Variants in ZFHX3 observed in about 807,000 individuals in gnomAD.
ZFHX3 encodes zinc finger homeobox protein 3.
A neutral mutation model predicts 279.1 loss-of-function variants in ZFHX3; 42 were observed. The observed-to-expected ratio is 0.15, with a 90% CI of 0.12 to 0.19. The LOEUF is 0.19. Among genes scored for constraint, ZFHX3 ranks in the 10% least tolerant of loss-of-function variants. The probability of loss-of-function intolerance (pLI) is 1.00; values close to 1 mark genes in which losing one functional copy is unlikely to be tolerated. For synonymous variants in ZFHX3, 2,293 were observed against 1,957.8 expected, an observed-to-expected ratio of 1.17 and a Z score of -4.52; for missense variants, 4,981 against 4,754.0, an observed-to-expected ratio of 1.05 and a Z score of -1.40.
At chr16:73,226,597 T>C (rs1048372165) in intron 5 of ZFHX3, among the ~76,000 whole-genome samples, 4 of 152,244 alleles carry the variant, frequency 2.6e-5, no homozygotes, top group African/African-American at 9.6e-5. Context: ...GAGCGTGTAT[T>C]GTAGCCACCT....
intron 4 of ZFHX3, 43 bp from the exon 5 acceptor site, chr16:72,829,902 A>C: frequency 4.3e-6 from 7 of 1,610,054 alleles, no homozygotes; most frequent in Non-Finnish European, 5.9e-6. Flanking sequence ...AAATAAAAAG[A>C]AGATGAAGGA....
At chr16:73,615,249 C>T (rs572261884) in intron 2 of ZFHX3, among the ~76,000 whole-genome samples, 1 of 151,878 alleles carries the variant, frequency 6.6e-6, no homozygotes, top group East Asian at 1.9e-4. Context: ...CCATGCATGT[C>T]CCGAGACAAC....
rs148337738 is a variant in ZFHX3 at position 72,825,981 on chromosome 16, C to T, written c.3529+3798G>A. 6.6e-5 allele frequency among the ~76,000 whole-genome samples: 10 copies of T among 152,190 alleles called. No individual in the cohort carries two copies. The East Asian group carries it at 1.7e-3, about 26-fold the overall frequency. The stretch of plus-strand genomic sequence containing the variant: ...GTAATATCGGTCTTACGACTACGGG[C>T]GTTCCTGAAATCCCCAGAAGAATGT... On this transcript the variant is annotated intron_variant, in intron 5 of 9. Coordinates refer to ENST00000268489, the MANE Select transcript of ZFHX3 (RefSeq NM_006885.4).
chr16:73,891,310 G>T (rs1306118829), intron 1 of ZFHX3, among the ~76,000 whole-genome samples: 2 of 152,098 alleles, frequency 1.3e-5, no homozygotes, highest in Non-Finnish European at 2.9e-5. Context: ...AAGATCAGAC[G>T]CTAAGACAGG....
chr16:73,247,928 G>C lies in ZFHX3; in HGVS notation c.-1104+9119C>G, dbSNP rs369150338. Among the ~76,000 whole-genome samples the C allele has an allele frequency of 4.8e-3, 729 of 151,750 alleles. 1 individual carries two copies. The East Asian group carries it at 0.06, about 12-fold the overall frequency. The stretch of plus-strand genomic sequence containing the variant: ...GTCTGTGTATATGTGCTTGTATGTG[G>C]AGTGTGTGTGTTCGTATACTATGTA... On this transcript the variant is annotated intron_variant, in intron 5 of 17. Transcript: ENST00000641206.
chr16:72,788,083 G>A lies in ZFHX3; in HGVS notation c.10193C>T (p.Ala3398Val), dbSNP rs774870235. Residue 3398 changes from alanine (A) to valine (V), a missense_variant, in exon 10 of 10, where the codon GCA (alanine) becomes GTA (valine). This residue lies in a region of ZFHX3 where 1,034 missense variants were observed against 786.0 expected (regional missense o/e 1.32). Coordinates refer to ENST00000268489, the MANE Select transcript of ZFHX3 (RefSeq NM_006885.4). ...QQKVQQQQPK[A>V]SQTPVPPGAP... ...CCCGGGGGGGACTGGGGTTTGGCTT[G>A]CTTTGGGCTGCTGCTGCTGCACTTT... 1.2e-6 allele frequency: 2 copies of A among 1,611,976 alleles called. No homozygotes were observed. Among genetic ancestry groups the A allele is most frequent in the Non-Finnish European group, 1.7e-6 (2 of 1,179,830 alleles).
At chr16:73,149,608 C>A (rs901272324) in intron 5 of ZFHX3, among the ~76,000 whole-genome samples, 1 of 152,104 alleles carries the variant, frequency 6.6e-6, no homozygotes. Context: ...ACATCTTCTG[C>A]GGCGTTTCAG....
At chr16:73,755,322 G>A (rs1164465187) in intron 1 of ZFHX3, among the ~76,000 whole-genome samples, 2 of 152,026 alleles carry the variant, frequency 1.3e-5, no homozygotes, top group African/African-American at 4.8e-5. Context: ...AGAGAAAGAG[G>A]AGTAGAAAGA....
At chr16:72,824,726 T>A (rs995838016) in intron 5 of ZFHX3, among the ~76,000 whole-genome samples, 1 of 152,252 alleles carries the variant, frequency 6.6e-6, no homozygotes, top group Non-Finnish European at 1.5e-5. Flanking sequence ...TTATTGGTGA[T>A]AAAGCATCAC....
At chr16:72,953,602 C>CTTT (rs75079529) in intron 2 of ZFHX3, among the ~76,000 whole-genome samples, 3,638 of 151,452 alleles carry the variant, frequency 0.024, 81 homozygotes, top group South Asian at 0.066. Context: ...ACTTTAAGCT[C>CTTT]TTTTTTTTTC....
At chr16:73,416,134 A>AC (rs2017573530) in intron 3 of ZFHX3, among the ~76,000 whole-genome samples, 1 of 151,356 alleles carries the variant, frequency 6.6e-6, no homozygotes, top group African/African-American at 2.4e-5. Context: ...AAAAAAAAAA[A>AC]AAAACAAAAA....
chr16:73,226,624 G>C (rs2012600867), intron 5 of ZFHX3, among the ~76,000 whole-genome samples: 1 of 152,224 alleles, frequency 6.6e-6, no homozygotes, highest in African/African-American at 2.4e-5. Context: ...ATTGCACAGA[G>C]AATAAGGCCT....
At chr16:73,075,924 C>T (rs2144760620) in intron 8 of ZFHX3, among the ~76,000 whole-genome samples, 1 of 152,226 alleles carries the variant, frequency 6.6e-6, no homozygotes, top group African/African-American at 2.4e-5. Flanking sequence ...GCCACCGCAC[C>T]CGGCCAGCTT....
At chr16:72,857,791 G>A (rs1220814574) in intron 4 of ZFHX3, among the ~76,000 whole-genome samples, 1 of 152,224 alleles carries the variant, frequency 6.6e-6, no homozygotes, top group African/African-American at 2.4e-5. Flanking sequence ...CTGCAGCCCT[G>A]CTAGGTTTGC....
intron 5 of ZFHX3, among the ~76,000 whole-genome samples, chr16:72,826,496 A>T (rs556858922): frequency 8.5e-5 from 13 of 152,360 alleles, no homozygotes; most frequent in African/African-American, 2.4e-4. Context: ...GAACAAACGT[A>T]GTTTTAAAAA....
chr16:73,377,689 T>TG (rs2016745477), intron 3 of ZFHX3, among the ~76,000 whole-genome samples: 1 of 34,812 alleles, frequency 2.9e-5, no homozygotes, highest in Admixed American at 2.5e-4. Flanking sequence ...CTCCTTTGTG[T>TG]TTTTTTTTTC....
chr16:72,787,036 T>G lies in ZFHX3; in HGVS notation c.*128A>C. On this transcript the variant is annotated 3_prime_UTR_variant, in exon 10 of 10. Transcript: ENST00000268489. The stretch of plus-strand genomic sequence containing the variant: ...AAAACAACCCACGCTTTTTCTTTTT[T>G]TTCTTTTTTTTTTTTTTTTTGTTTT... 1 of 1,112,848 alleles carries G rather than the reference T, an allele frequency of 9.0e-7. No homozygotes were observed. The highest frequency in any genetic ancestry group is 1.2e-6 in the Non-Finnish European group (1 of 862,138). 68.9% of individuals were successfully genotyped at this position (1,112,848 alleles called of 1,614,324 possible). A position where few individuals can be genotyped will look rare whatever the true frequency, so the allele number is the denominator to read the frequency against.
At chr16:72,949,848 A>G (rs2144389645) in intron 3 of ZFHX3, among the ~76,000 whole-genome samples, 1 of 149,936 alleles carries the variant, frequency 6.7e-6, no homozygotes, top group African/African-American at 2.4e-5. Context: ...AAATTTATCC[A>G]TCGTTTCTCA....
chr16:73,469,991 T>G (rs1004999088), intron 2 of ZFHX3, among the ~76,000 whole-genome samples: 5 of 152,156 alleles, frequency 3.3e-5, no homozygotes, highest in Non-Finnish European at 5.9e-5. Flanking sequence ...ATGATTCTAA[T>G]GTGCGGAAAA....
Sources: gnomAD v4.1 joint callset for allele counts (sites outside exome capture counted in the v4.1 genomes callset) on GRCh38, gnomAD v4.1.1 for gene constraint, gnomAD v4.1.1 regional missense constraint, MANE v1.5 for transcripts, NCBI Gene and HGNC (gene_info 2026-07-23, HGNC 2026-07-21) for gene names.